Variants in LGI1 observed in about 807,000 individuals in gnomAD.
LGI1 encodes leucine-rich glioma-inactivated protein 1.
LGI1 carries 11 observed loss-of-function variants against 57.7 expected under a neutral mutation model. The observed-to-expected ratio is 0.19, with a 90% CI of 0.12 to 0.32. The LOEUF is 0.32. Among genes scored for constraint, LGI1 ranks in the 10% least tolerant of loss-of-function variants. The probability of loss-of-function intolerance (pLI) is 1.00; values close to 1 mark genes in which losing one functional copy is unlikely to be tolerated. For synonymous variants in LGI1, 222 were observed against 241.9 expected (o/e 0.92, Z 0.76); for missense variants, 422 against 661.9 (o/e 0.64, Z 3.98).
intron 4 of LGI1, among the ~76,000 whole-genome samples, chr10:93,779,435 AGGGAG>A (rs572319411): frequency 0.024 from 1,043 of 44,376 alleles, 5 homozygotes; most frequent in Admixed American, 0.047. Context: ...CGAGGGAGGG[AGGGAG>A]GGGAGGGGAG....
intron 2 of LGI1, chr10:93,776,981 C>T (rs771582034): frequency 2.7e-5 from 6 of 218,548 alleles, no homozygotes; most frequent in East Asian, 1.2e-4. Context: ...GGCTCAAAAC[C>T]GCAAAGTACC....
At chr10:93,771,956 CA>C (rs2059746319) in intron 2 of LGI1, 1 of 112,228 alleles carries the variant, frequency 8.9e-6, no homozygotes, top group Non-Finnish European at 1.8e-5. Flanking sequence ...GCCTGGGCAA[CA>C]AGAGTGAAAC....
At chr10:93,779,050 A>T (rs1321402141) in intron 4 of LGI1, 2 of 152,228 alleles carry the variant, frequency 1.3e-5, no homozygotes, top group Non-Finnish European at 2.9e-5. Flanking sequence ...ACATGATATG[A>T]TGCAAAGATG....
At chr10:93,793,033 A>C in intron 6 of LGI1, 121 bp downstream of exon 6, 1 of 1,239,722 alleles carries the variant, frequency 8.1e-7, no homozygotes, top group Non-Finnish European at 1.1e-6. Flanking sequence ...AATTTTAAAA[A>C]AATTATGAAC....
At position 93,777,607 on chromosome 10, in the gene LGI1, T is replaced by C; in HGVS notation, c.421T>C (p.Leu141=). ...ACATACTTTCCGGGGACTAAAGTCA[T>C]TAATTCACTTGTAAGTATGAATGTT... The part of the protein sequence containing the change: ...SRHTFRGLKS[L]IHLSLANNNL... Residue 141 remains leucine (L), a synonymous_variant, in exon 4 of 8, where the codon TTA becomes CTA. Transcript: ENST00000371418. 1 of 1,611,654 alleles carries C rather than the reference T, an allele frequency of 6.2e-7. No homozygotes were observed. Among genetic ancestry groups the C allele is most frequent in the Non-Finnish European group, 8.5e-7 (1 of 1,177,876 alleles).
chr10:93,778,625 CTTAA>C (rs1197415751), intron 4 of LGI1, among the ~76,000 whole-genome samples: 5 of 152,178 alleles, frequency 3.3e-5, no homozygotes, highest in African/African-American at 4.8e-5. Context: ...AGAACATCTA[CTTAA>C]TTGTTGAATT....
At chr10:93,792,580 T>C in intron 5 of LGI1, 163 bp from the exon 6 acceptor site, 1 of 726,694 alleles carries the variant, frequency 1.4e-6, no homozygotes, top group Non-Finnish European at 2.5e-6. Context: ...GCTAACTCTC[T>C]GAGCCCAAAG....
Position 93,790,305 on chromosome 10 carries a change from C to A in LGI1, c.503+135C>A, listed in dbSNP as rs975025107. The A allele has an allele frequency of 1.7e-4, 135 of 798,614 alleles. 1 individual carries two copies. The highest frequency in any genetic ancestry group is 2.3e-4 in the Non-Finnish European group (119 of 515,520). 49.5% of individuals were successfully genotyped at this position (798,614 alleles called of 1,614,324 possible). ...ATTTTTAAATCTAAATTTTAACTGG[C>A]CAAAAATTTAAATTTACATGGACTA... is the stretch of plus-strand genomic sequence containing the variant. On this transcript the variant is annotated intron_variant, in intron 5 of 7. Coordinates refer to ENST00000371418, the MANE Select transcript of LGI1 (RefSeq NM_005097.4).
At chr10:93,784,525 G>C (rs1448857557) in intron 4 of LGI1, among the ~76,000 whole-genome samples, 1 of 152,182 alleles carries the variant, frequency 6.6e-6, no homozygotes, top group Non-Finnish European at 1.5e-5. Context: ...CTGTGGCTGA[G>C]TTCTGGGCCC....
At chr10:93,760,423 T>G (rs1050505685) in intron 2 of LGI1, among the ~76,000 whole-genome samples, 17 of 152,254 alleles carry the variant, frequency 1.1e-4, no homozygotes, top group African/African-American at 3.9e-4. Context: ...CCTCACTTGT[T>G]AAATGAATAA....
At chr10:93,762,488 C>G (rs2059634189) in intron 2 of LGI1, 1 of 152,172 alleles carries the variant, frequency 6.6e-6, no homozygotes, top group Admixed American at 6.5e-5. Context: ...ACCTTTAAAG[C>G]AATTGCTACC....
In LGI1 at chr10:93,793,350, G is replaced by A; in HGVS notation, c.838G>A (p.Gly280Ser). Reference protein sequence around the residue: ...KTFRNYDNITGTSTVVCKPIV... With the variant: ...KTFRNYDNITSTSTVVCKPIV... ...CTTCCGGAATTATGACAACATTACAGGTATGAAAAGCCTAATGATATTTTG... is the reference window on the plus strand; with the variant it reads ...CTTCCGGAATTATGACAACATTACAAGTATGAAAAGCCTAATGATATTTTG... The change falls in exon 7 of 8, where the codon GGC becomes AGC. Residue 280 changes from glycine to serine, a missense_variant and splice_region_variant. Gly to Ser is a moderately conservative substitution (Grantham distance 56). Around this residue, in one of 3 missense-constraint regions of LGI1, gnomAD observed 301 missense variants for 461.7 expected, o/e 0.65. Coordinates refer to ENST00000371418, the MANE Select transcript of LGI1 (RefSeq NM_005097.4). 6.2e-7 allele frequency: 1 copy of A among 1,613,116 alleles called. No individual in the cohort carries two copies. Among genetic ancestry groups the A allele is most frequent in the Non-Finnish European group, 8.5e-7 (1 of 1,179,172 alleles).
chr10:93,759,685 T>A (rs776944031), intron 2 of LGI1, among the ~76,000 whole-genome samples: 1 of 152,202 alleles, frequency 6.6e-6, no homozygotes, highest in Non-Finnish European at 1.5e-5. Flanking sequence ...CAATTGTGGA[T>A]CAGCTGAGTC....
intron 2 of LGI1, chr10:93,777,070 A>T: frequency 4.2e-6 from 2 of 476,782 alleles, no homozygotes; most frequent in South Asian, 4.6e-5. Context: ...TCATGAAAAT[A>T]TGTAAAATGT....
intron 4 of LGI1, among the ~76,000 whole-genome samples, chr10:93,787,798 T>C (rs1385364657): frequency 6.6e-6 from 1 of 151,176 alleles, no homozygotes; most frequent in Non-Finnish European, 1.5e-5. Flanking sequence ...TCCCAGCTAC[T>C]GGAGAGGCTG....
chr10:93,776,378 T>C (rs1390488610), intron 2 of LGI1, among the ~76,000 whole-genome samples: 1 of 152,192 alleles, frequency 6.6e-6, no homozygotes, highest in Non-Finnish European at 1.5e-5. Flanking sequence ...CCAATTCTTC[T>C]CTAACCCCTT....
At chr10:93,774,057 G>T (rs889080165) in intron 2 of LGI1, among the ~76,000 whole-genome samples, 1 of 152,104 alleles carries the variant, frequency 6.6e-6, no homozygotes, top group Non-Finnish European at 1.5e-5. Context: ...TAGGCTACAC[G>T]TAGTTATAGG....
chr10:93,768,013 G>C (rs1316180799), intron 2 of LGI1: 2 of 152,158 alleles, frequency 1.3e-5, no homozygotes, highest in East Asian at 3.9e-4. Flanking sequence ...AATGAGACCA[G>C]GAAACTGTAT....
At chr10:93,795,267 T>C (rs896407843) in intron 7 of LGI1, among the ~76,000 whole-genome samples, 2 of 152,120 alleles carry the variant, frequency 1.3e-5, no homozygotes, top group African/African-American at 4.8e-5. Flanking sequence ...ACTGCGTAAT[T>C]TATAAGAACA....
Sources: gnomAD v4.1 joint callset for allele counts (sites outside exome capture counted in the v4.1 genomes callset) on GRCh38, gnomAD v4.1.1 for gene constraint, gnomAD v4.1.1 regional missense constraint, MANE v1.5 for transcripts, NCBI Gene and HGNC (gene_info 2026-07-23, HGNC 2026-07-21) for gene names.